Variants in ADGRL3 observed in about 807,000 individuals in gnomAD.
ADGRL3 encodes the protein adhesion G protein-coupled receptor L3, also known as calcium-independent alpha-latrotoxin receptor 3.
Under a neutral mutation model 153.5 loss-of-function variants are expected in ADGRL3, and 62 were observed. The observed-to-expected ratio is 0.40, with a 90% CI of 0.33 to 0.50. The LOEUF (loss-of-function observed/expected upper bound fraction) is 0.50, where lower values mean the gene tolerates loss of function less well. ADGRL3 is among the 20% of genes least tolerant of loss of function. ADGRL3 has a pLI of 0.47. For synonymous variants in ADGRL3, 710 were observed against 672.5 expected, an observed-to-expected ratio of 1.06 and a Z score of -0.86; for missense variants, 1,641 against 1,859.4, an observed-to-expected ratio of 0.88 and a Z score of 2.16.
intron 13 of ADGRL3, among the ~76,000 whole-genome samples, chr4:61,914,266 A>G (rs1006722244): frequency 2.6e-5 from 4 of 152,242 alleles, no homozygotes; most frequent in South Asian, 2.1e-4. Context: ...AAACGTGTCT[A>G]TTACGATTAT....
chr4:61,936,087 T>C, intron 15 of ADGRL3, 42 bp downstream of exon 15: 1 of 1,602,030 alleles, frequency 6.2e-7, no homozygotes, highest in Non-Finnish European at 8.5e-7. Context: ...GAATTGAACT[T>C]GCATCAGTTC....
At chr4:61,755,043 A>C (rs1449599484) in intron 8 of ADGRL3, among the ~76,000 whole-genome samples, 5 of 152,090 alleles carry the variant, frequency 3.3e-5, no homozygotes, top group Non-Finnish European at 7.3e-5. Flanking sequence ...GTTGGTTCCA[A>C]GTCTTTGCTA....
intron 1 of ADGRL3, among the ~76,000 whole-genome samples, chr4:61,230,464 A>G (rs1305532726): frequency 6.6e-6 from 1 of 152,174 alleles, no homozygotes; most frequent in African/African-American, 2.4e-5. Context: ...TAAGGAGAGA[A>G]GGATTCTTCC....
chr4:61,576,898 G>A (rs2098888364), intron 4 of ADGRL3, among the ~76,000 whole-genome samples: 1 of 151,720 alleles, frequency 6.6e-6, no homozygotes, highest in Admixed American at 6.6e-5. Context: ...ATTCTGAATG[G>A]GTGAATAAAG....
intron 25 of ADGRL3, among the ~76,000 whole-genome samples, chr4:62,061,854 A>G (rs1740377077): frequency 6.6e-6 from 1 of 151,962 alleles, no homozygotes. Flanking sequence ...TTGTTTGACC[A>G]CTCACCAGTT....
intron 1 of ADGRL3, among the ~76,000 whole-genome samples, chr4:61,211,462 A>G (rs1035621813): frequency 1.3e-5 from 2 of 152,160 alleles, no homozygotes; most frequent in African/African-American, 4.8e-5. Flanking sequence ...GGACGAATGG[A>G]TAGTTAGCTT....
intron 2 of ADGRL3, among the ~76,000 whole-genome samples, chr4:61,462,910 A>T (rs1266966024): frequency 6.6e-6 from 1 of 152,286 alleles, no homozygotes; most frequent in Non-Finnish European, 1.5e-5. Flanking sequence ...GTTTGGGCCT[A>T]GTCAGAACTG....
At chr4:62,025,548 C>T (rs989304207) in intron 21 of ADGRL3, among the ~76,000 whole-genome samples, 2 of 152,060 alleles carry the variant, frequency 1.3e-5, no homozygotes, top group African/African-American at 4.8e-5. Context: ...CTGCTGGCTC[C>T]TTTTCGAATA....
chr4:61,627,400 G>A (rs1014052352), intron 5 of ADGRL3, among the ~76,000 whole-genome samples: 2 of 152,072 alleles, frequency 1.3e-5, no homozygotes, highest in African/African-American at 2.4e-5. Context: ...GATCACCTGA[G>A]GTCAGGAGTC....
At chr4:61,763,360 T>TG (rs2096936249) in intron 8 of ADGRL3, among the ~76,000 whole-genome samples, 1 of 151,938 alleles carries the variant, frequency 6.6e-6, no homozygotes, top group Admixed American at 6.6e-5. Context: ...GCTATTTTTT[T>TG]TTTTTTAGTA....
At chr4:61,945,881 G>C (rs568145891) in intron 15 of ADGRL3, among the ~76,000 whole-genome samples, 35 of 152,184 alleles carry the variant, frequency 2.3e-4, no homozygotes, top group Non-Finnish European at 4.1e-4. Flanking sequence ...TGGAAATGCA[G>C]AAATCACCCG....
intron 1 of ADGRL3, among the ~76,000 whole-genome samples, chr4:61,296,046 AT>A (rs2094401527): frequency 6.6e-6 from 1 of 152,176 alleles, no homozygotes; most frequent in Admixed American, 6.5e-5. Context: ...TAAAATTGAA[AT>A]TCTGTGGTTT....
rs370949071 is a variant in ADGRL3, at chr4:61,804,963, AT to A, written c.1400-8836del. 5.3e-4 allele frequency among the ~76,000 whole-genome samples: 76 copies of A among 144,052 alleles called. 1 individual carries two copies. The East Asian group carries it at 0.012, about 24-fold the overall frequency. 94.5% of individuals were successfully genotyped at this position (144,052 alleles called of 152,430 possible). A position where few individuals can be genotyped will look rare whatever the true frequency, so the allele number is the denominator to read the frequency against. ...TTTATTTATTTATTTTTATTTATTT[AT>A]TTTTTTTTTGAGACGGAGTCTCATT... On this transcript the variant is annotated intron_variant, in intron 8 of 26. Transcript: ENST00000683033.
intron 13 of ADGRL3, among the ~76,000 whole-genome samples, chr4:61,915,993 G>T (rs2098743519): frequency 6.6e-6 from 1 of 151,948 alleles, no homozygotes; most frequent in Non-Finnish European, 1.5e-5. Context: ...CCATTTAGAT[G>T]TCAATTACTT....
intron 25 of ADGRL3, among the ~76,000 whole-genome samples, chr4:62,060,411 C>T (rs1739427296): frequency 6.6e-6 from 1 of 151,622 alleles, no homozygotes; most frequent in Non-Finnish European, 1.5e-5. Flanking sequence ...ACATTTTGCT[C>T]TTTTTTTAAT....
intron 4 of ADGRL3, among the ~76,000 whole-genome samples, chr4:61,568,427 T>G (rs2098825185): frequency 6.6e-6 from 1 of 152,154 alleles, no homozygotes; most frequent in South Asian, 2.1e-4. Context: ...CTTTTCTCTT[T>G]GAAATTCATG....
chr4:61,647,495 AG>A (rs1427885069), intron 5 of ADGRL3, among the ~76,000 whole-genome samples: 6 of 152,150 alleles, frequency 3.9e-5, no homozygotes, highest in African/African-American at 1.4e-4. Flanking sequence ...GCTGCATTGA[AG>A]TCTCATTGAT....
At chr4:61,670,695 C>G (rs1244646511) in intron 5 of ADGRL3, among the ~76,000 whole-genome samples, 1 of 152,066 alleles carries the variant, frequency 6.6e-6, no homozygotes, top group East Asian at 1.9e-4. Flanking sequence ...ATGCTGAGCT[C>G]TAGGTCTTTT....
intron 13 of ADGRL3, among the ~76,000 whole-genome samples, chr4:61,916,940 G>A (rs369043505): frequency 1.3e-5 from 2 of 151,772 alleles, no homozygotes; most frequent in African/African-American, 2.4e-5. Flanking sequence ...GCGACAGAGT[G>A]AGACTCCATC....
Sources: gnomAD v4.1 joint callset for allele counts (sites outside exome capture counted in the v4.1 genomes callset) on GRCh38, gnomAD v4.1.1 for gene constraint, MANE v1.5 for transcripts, NCBI Gene and HGNC (gene_info 2026-07-23, HGNC 2026-07-21) for gene names.